The following C1QTNF4 variants were observed in gnomAD, a reference collection of about 807,000 sequenced individuals.
C1QTNF4 encodes C1q and TNF related 4.
Under a neutral mutation model 14.6 loss-of-function variants are expected in C1QTNF4, and 12 were observed. That is an observed-to-expected ratio of 0.82 (90% CI 0.53 to 1.33). The LOEUF (loss-of-function observed/expected upper bound fraction) is 1.33. Among genes scored for constraint, C1QTNF4 ranks in the 40% most tolerant of loss-of-function variants. The pLI is 0.00. For synonymous variants in C1QTNF4, 278 were observed against 246.6 expected, an observed-to-expected ratio of 1.13 and a Z score of -1.19; for missense variants, 558 against 500.3, an observed-to-expected ratio of 1.12 and a Z score of -1.10.
In C1QTNF4 at chr11:47,590,827, A is replaced by G; in HGVS notation, c.-5-12T>C. The G allele has an allele frequency of 6.8e-7, 1 of 1,467,236 alleles. No homozygotes were observed. Among genetic ancestry groups the G allele is most frequent in the Non-Finnish European group, 9.0e-7 (1 of 1,117,232 alleles). 90.9% of individuals were successfully genotyped at this position (1,467,236 alleles called of 1,614,324 possible). A position where few individuals can be genotyped will look rare whatever the true frequency, so the allele number is the denominator to read the frequency against. On this transcript the variant is annotated splice_polypyrimidine_tract_variant and intron_variant, in intron 1 of 1. Coordinates refer to ENST00000302514, the MANE Select transcript of C1QTNF4 (RefSeq NM_031909.3). ...CGGCAGCATGGCGCCTGGGAGGGAG[A>G]CGGAGGGGCGAGAGTGGAGTGTTGG...
chr11:47,592,971 C>A (rs1420597081), intron 1 of C1QTNF4, among the ~76,000 whole-genome samples: 1 of 152,130 alleles, frequency 6.6e-6, no homozygotes, highest in Admixed American at 6.5e-5. Context: ...GTTAGGTGTC[C>A]CTTGGTTAGG....
In C1QTNF4 at chr11:47,590,652, C is replaced by A; in HGVS notation, c.159G>T (p.Val53=). 6.2e-7 allele frequency: 1 copy of A among 1,611,658 alleles called. No individual in the cohort carries two copies. The highest frequency in any genetic ancestry group is 1.1e-5 in the South Asian group (1 of 90,964). The change falls in exon 2 of 2, where the codon GTG becomes GTT. Residue 53 remains valine (V), a synonymous_variant. Transcript: ENST00000302514. The part of the protein sequence containing the change: ...TSEMAVTFDK[V]YVNIGGDFDV... Reference sequence around the variant, plus strand: ...CGAAGTCGCCCCCGATGTTCACGTACACCTTGTCGAAGGTCACCGCCATCT... The same window carrying A: ...CGAAGTCGCCCCCGATGTTCACGTAAACCTTGTCGAAGGTCACCGCCATCT...
chr11:47,590,397 G>A lies in C1QTNF4; in HGVS notation c.414C>T (p.Gly138=), dbSNP rs973639114. The A allele has an allele frequency of 6.8e-6, 10 of 1,474,360 alleles. No individual in the cohort carries two copies. Among genetic ancestry groups the A allele is most frequent in the South Asian group, 6.7e-5 (5 of 75,150 alleles). The allele number at this position is 1,474,360 out of a possible 1,614,324, so 91.3% of individuals were successfully genotyped here. ...GCGCGCCTAGCGCGTACTGCGGGGC[G>A]CCATGCAGCCGCAGCCACACTGTGT... ...YGDTVWLRLH[G]APQYALGAPG... is the part of the protein sequence containing the mutation. The change falls in exon 2 of 2, where the codon GGC becomes GGT. Residue 138 remains glycine, a synonymous_variant. Transcript: ENST00000302514.
At position 47,594,240 on chromosome 11, in the gene C1QTNF4, T is replaced by C. The variant is rs2097276948; in HGVS notation, c.-98A>G. 6.6e-6 allele frequency: 1 copy of C among 151,750 alleles called. No homozygotes were observed. Among genetic ancestry groups the C allele is most frequent in the South Asian group, 2.1e-4 (1 of 4,818 alleles). 9.4% of individuals were successfully genotyped at this position (151,750 alleles called of 1,614,324 possible). On this transcript the variant is annotated 5_prime_UTR_variant, in exon 1 of 2. Coordinates refer to ENST00000302514, the MANE Select transcript of C1QTNF4 (RefSeq NM_031909.3). ...CGGGCTGCAGGCTGCAGGCTGCGGG[T>C]GCCGGGCTGCGCGCTGACCGCCCGC...
chr11:47,590,268 C>T lies in C1QTNF4; in HGVS notation c.543G>A (p.Ala181=). The T allele has an allele frequency of 7.4e-7, 1 of 1,358,270 alleles. No homozygotes were observed. The highest frequency in any genetic ancestry group is 9.4e-7 in the Non-Finnish European group (1 of 1,060,264). The allele number at this position is 1,358,270 out of a possible 1,614,324, so 84.1% of individuals were successfully genotyped here. Residue 181 remains alanine, a synonymous_variant, in exon 2 of 2, where the codon GCG becomes GCA. Coordinates refer to ENST00000302514, the MANE Select transcript of C1QTNF4 (RefSeq NM_031909.3). ...APPEPRSAFS[A]ARTRSLVGSD... is the part of the protein sequence containing the mutation. ...AGCCCACCAAGCTGCGCGTGCGCGC[C>T]GCCGAGAAGGCCGAGCGCGGCTCGG...
rs1352351368 is a variant in C1QTNF4, at chr11:47,590,232, G to A, written c.579C>T (p.Gly193=). The A allele has an allele frequency of 4.6e-6, 7 of 1,520,216 alleles. No homozygotes were observed. The highest frequency in any genetic ancestry group is 1.9e-4 in the Middle Eastern group (1 of 5,386). The allele number at this position is 1,520,216 out of a possible 1,614,324, so 94.2% of individuals were successfully genotyped here. A position where few individuals can be genotyped will look rare whatever the true frequency, so the allele number is the denominator to read the frequency against. Residue 193 remains glycine, a synonymous_variant, in exon 2 of 2, where the codon GGC becomes GGT. Coordinates refer to ENST00000302514, the MANE Select transcript of C1QTNF4 (RefSeq NM_031909.3). ...CGAGTGGTTGGTGCCGCGGCCCGGG[G>A]CCAGCGTCCGAGCCCACCAAGCTGC... ...RTRSLVGSDA[G]PGPRHQPLAF...
chr11:47,590,167 T>G lies in C1QTNF4; in HGVS notation c.644A>C (p.Asp215Ala), dbSNP rs772922584. 29 of 1,601,230 alleles carry G rather than the reference T, an allele frequency of 1.8e-5. No homozygotes were observed. The South Asian group carries it at 3.2e-4, about 18-fold the overall frequency. ...GCAGCGGAACACGCCGGCCGCCGCG[T>G]CGAAGTCGCCGCCAATGTTGACGAA... ...TEFVNIGGDF[D>A]AAAGVFRCRL... Residue 215 changes from aspartate to alanine, a missense_variant, in exon 2 of 2, where the codon GAC (aspartate) becomes GCC (alanine). By Grantham distance (126) the Asp-to-Ala change is moderately radical. Transcript: ENST00000302514.
intron 1 of C1QTNF4, among the ~76,000 whole-genome samples, chr11:47,591,761 G>C (rs2097275807): frequency 6.6e-6 from 1 of 152,248 alleles, no homozygotes; most frequent in African/African-American, 2.4e-5. Flanking sequence ...CTACAGCCCT[G>C]TCTGCTGGGC....
chr11:47,591,433 G>A (rs1283446432), intron 1 of C1QTNF4, among the ~76,000 whole-genome samples: 1 of 135,694 alleles, frequency 7.4e-6, no homozygotes, highest in African/African-American at 2.8e-5. Flanking sequence ...TGTGTCGCCA[G>A]GCTGGAGTGC....
At position 47,590,130 on chromosome 11, in the gene C1QTNF4, G is replaced by T; in HGVS notation, c.681C>A (p.Gly227=). 6.2e-7 allele frequency: 1 copy of T among 1,610,598 alleles called. No individual in the cohort carries two copies. The highest frequency in any genetic ancestry group is 8.5e-7 in the Non-Finnish European group (1 of 1,178,890). ...AAGVFRCRLP[G]AYFFSFTLGK... is the part of the protein sequence containing the mutation. ...CCAGCGTGAAGGAGAAGAAGTAGGC[G>T]CCGGGCAGACGGCAGCGGAACACGC... The change falls in exon 2 of 2, where the codon GGC becomes GGA. Residue 227 remains glycine, a synonymous_variant. Coordinates refer to ENST00000302514, the MANE Select transcript of C1QTNF4 (RefSeq NM_031909.3).
At position 47,590,255 on chromosome 11, in the gene C1QTNF4, T is replaced by A; in HGVS notation, c.556A>T (p.Ser186Cys). The A allele has an allele frequency of 1.4e-6, 2 of 1,417,988 alleles. No homozygotes were observed. Among genetic ancestry groups the A allele is most frequent in the South Asian group, 3.0e-5 (2 of 66,366 alleles). 87.8% of individuals were successfully genotyped at this position (1,417,988 alleles called of 1,614,324 possible). The change falls in exon 2 of 2, where the codon AGC (serine) becomes TGC (cysteine). Residue 186 changes from serine to cysteine, a missense_variant. By Grantham distance (112) the Ser-to-Cys change is moderately radical. Transcript: ENST00000302514. ...GGGCCAGCGTCCGAGCCCACCAAGC[T>A]GCGCGTGCGCGCCGCCGAGAAGGCC... is the stretch of plus-strand genomic sequence containing the variant. ...RSAFSAARTRSLVGSDAGPGP... is the reference protein window; with the variant it reads ...RSAFSAARTRCLVGSDAGPGP...
Position 47,590,197 on chromosome 11 carries a change from G to GT in C1QTNF4, c.613dup (p.Thr205AsnfsTer37), listed in dbSNP as rs2097274474. On this transcript the variant is annotated frameshift_variant, in exon 2 of 2. Transcript: ENST00000302514. LOFTEE classifies it high-confidence loss of function. The stretch of plus-strand genomic sequence containing the variant: ...GTCGCCGCCAATGTTGACGAACTCG[G>GT]TGTCGAAGGCGAGTGGTTGGTGCCG... The GT allele has an allele frequency of 6.3e-7, 1 of 1,588,080 alleles. No homozygotes were observed. Among genetic ancestry groups the GT allele is most frequent in the Admixed American group, 1.8e-5 (1 of 56,760 alleles).
chr11:47,592,508 T>C (rs1454553799), intron 1 of C1QTNF4, among the ~76,000 whole-genome samples: 2 of 152,142 alleles, frequency 1.3e-5, no homozygotes, highest in Admixed American at 1.3e-4. Flanking sequence ...CGTAAGGGTT[T>C]AGGGACTCAG....
chr11:47,591,492 G>C (rs1457848545), intron 1 of C1QTNF4, among the ~76,000 whole-genome samples: 1 of 149,788 alleles, frequency 6.7e-6, no homozygotes, highest in African/African-American at 2.5e-5. Flanking sequence ...AGGTTCAAGC[G>C]ATTCTCCCGC....
chr11:47,591,229 C>G (rs1186505555), intron 1 of C1QTNF4, among the ~76,000 whole-genome samples: 1 of 151,870 alleles, frequency 6.6e-6, no homozygotes, highest in Non-Finnish European at 1.5e-5. Context: ...CAGGTGCGCA[C>G]CATCACGCCC....
rs944677492 is a variant in C1QTNF4, at chr11:47,590,454, G to A, written c.357C>T (p.Ser119=). The part of the protein sequence containing the change: ...QRRPGARRAA[S]QSAMLQLDYG... ...AGTCGAGCTGCAGCATGGCGCTCTGGCTGGCTGCGCGCCGCGCGCCTGGCC... is the reference window on the plus strand; with the variant it reads ...AGTCGAGCTGCAGCATGGCGCTCTGACTGGCTGCGCGCCGCGCGCCTGGCC... The change falls in exon 2 of 2, where the codon AGC becomes AGT. Residue 119 remains serine (S), a synonymous_variant. Coordinates refer to ENST00000302514, the MANE Select transcript of C1QTNF4 (RefSeq NM_031909.3). 1 of 1,517,238 alleles carries A rather than the reference G, an allele frequency of 6.6e-7. No homozygotes were observed. Among genetic ancestry groups the A allele is most frequent in the Non-Finnish European group, 8.8e-7 (1 of 1,136,874 alleles). 94.0% of individuals were successfully genotyped at this position (1,517,238 alleles called of 1,614,324 possible).
intron 1 of C1QTNF4, 132 bp from the exon 2 acceptor site, chr11:47,590,947 A>G: frequency 2.9e-6 from 4 of 1,366,882 alleles, no homozygotes; most frequent in Admixed American, 6.2e-5. Flanking sequence ...CAATTTTCCT[A>G]CATCCTTGGA....
Position 47,590,743 on chromosome 11 carries a change from G to T in C1QTNF4, c.68C>A (p.Pro23Gln). The T allele has an allele frequency of 2.5e-6, 4 of 1,603,126 alleles. No individual in the cohort carries two copies. The highest frequency in any genetic ancestry group is 3.4e-6 in the Non-Finnish European group (4 of 1,175,736). Residue 23 changes from proline to glutamine, a missense_variant, in exon 2 of 2, where the codon CCG becomes CAG. By Grantham distance (76) the Pro-to-Gln change is moderately conservative. Transcript: ENST00000302514. Reference sequence around the variant, plus strand: ...GGCCGAGCGCAGCTCAGAGGATCCCGGGCCGGGGGTCGGGCCCAGGGCCCA... The same window carrying T: ...GGCCGAGCGCAGCTCAGAGGATCCCTGGCCGGGGGTCGGGCCCAGGGCCCA... Reference protein sequence around the residue: ...ACWALGPTPGPGSSELRSAFS... With the variant: ...ACWALGPTPGQGSSELRSAFS...
In C1QTNF4 at chr11:47,590,190, G is replaced by A; in HGVS notation, c.621C>T (p.Phe207=). The A allele has an allele frequency of 6.3e-7, 1 of 1,593,736 alleles. No homozygotes were observed. Among genetic ancestry groups the A allele is most frequent in the Non-Finnish European group, 8.5e-7 (1 of 1,172,866 alleles). The change falls in exon 2 of 2, where the codon TTC becomes TTT. Residue 207 remains phenylalanine, a synonymous_variant. Transcript: ENST00000302514. ...CGTCGAAGTCGCCGCCAATGTTGAC[G>A]AACTCGGTGTCGAAGGCGAGTGGTT... ...RHQPLAFDTE[F]VNIGGDFDAA... is the part of the protein sequence containing the mutation.
Sources: allele counts gnomAD v4.1 joint callset (sites outside exome capture counted in the v4.1 genomes callset), GRCh38; gene constraint gnomAD v4.1.1; transcripts MANE v1.5; gene names NCBI Gene and HGNC (gene_info 2026-07-23, HGNC 2026-07-21).